Variants in PHLDB1 observed in about 807,000 individuals in gnomAD.
PHLDB1 encodes pleckstrin homology like domain family B member 1.
PHLDB1 carries 65 observed loss-of-function variants against 139.3 expected under a neutral mutation model. The ratio of observed to expected loss-of-function variants is 0.47; its 90% CI spans 0.38 to 0.57. The LOEUF (loss-of-function observed/expected upper bound fraction) is 0.57. Among genes scored for constraint, PHLDB1 ranks in the 20% least tolerant of loss-of-function variants. The pLI, the probability that PHLDB1 is intolerant of heterozygous loss-of-function variation, is 0.00. For missense variants in PHLDB1, 1,624 were observed against 1,839.7 expected (o/e 0.88, Z 2.14); for synonymous variants, 679 against 734.5 (o/e 0.92, Z 1.22).
At chr11:118,615,975 C>A in intron 3 of PHLDB1, 66 bp from the exon 4 acceptor site, 1 of 1,363,670 alleles carries the variant, frequency 7.3e-7, no homozygotes, top group Non-Finnish European at 1.0e-6. Flanking sequence ...CTGTGGCCCT[C>A]CTTGCCCTGT....
At chr11:118,614,891 A>G in intron 3 of PHLDB1, 1 of 535,804 alleles carries the variant, frequency 1.9e-6, no homozygotes, top group Non-Finnish European at 3.4e-6. Context: ...GGGCTTAAAG[A>G]TCAGCTTAGA....
chr11:118,650,131 A>T lies in PHLDB1; in HGVS notation c.3709A>T (p.Thr1237Ser). The T allele has an allele frequency of 6.2e-7, 1 of 1,614,148 alleles. No homozygotes were observed. Among genetic ancestry groups the T allele is most frequent in the Non-Finnish European group, 8.5e-7 (1 of 1,179,998 alleles). Residue 1237 changes from threonine (T) to serine (S), a missense_variant, in exon 19 of 23, where the codon ACA becomes TCA. By Grantham distance (58) the Thr-to-Ser change is moderately conservative. Transcript: ENST00000600882. This position sits in a 1 kb window ranked among gnomAD's most constrained non-coding sequence, Gnocchi z 4.7. ...PIRKEDFDLKTHIESSGHGVD... is the reference protein window; with the variant it reads ...PIRKEDFDLKSHIESSGHGVD... ...CCGGAAGGAGGACTTTGACCTGAAG[A>T]CACATATTGAGTCATCGGGCCATGG...
Position 118,620,871 on chromosome 11 carries a change from G to C in PHLDB1, c.356-4063G>C, listed in dbSNP as rs1184845120. On this transcript the variant is annotated intron_variant, in intron 4 of 22. Coordinates refer to ENST00000600882, the MANE Select transcript of PHLDB1 (RefSeq NM_001144758.3). This position sits in a 1 kb window ranked among gnomAD's most constrained non-coding sequence, Gnocchi z 4.1. ...TGTTACAGTGGCAGCCTGAGGGCCA[G>C]AGCAGGACCCAGTGACCTAGCTGGA... 6.6e-6 allele frequency among the ~76,000 whole-genome samples: 1 copy of C among 152,188 alleles called. No individual in the cohort carries two copies. Among genetic ancestry groups the C allele is most frequent in the Non-Finnish European group, 1.5e-5 (1 of 68,032 alleles).
chr11:118,630,028 G>GTTTTTT, intron 6 of PHLDB1: 3 of 1,197,140 alleles, frequency 2.5e-6, no homozygotes, highest in Admixed American at 2.6e-5. Context: ...CTCTGTTCCG[G>GTTTTTT]TTTTTTTTTT....
chr11:118,652,012 A>G (rs991709967), intron 20 of PHLDB1: 3 of 152,216 alleles, frequency 2.0e-5, no homozygotes, highest in African/African-American at 2.4e-5. Flanking sequence ...GAAGTGACAC[A>G]CATCATTTCT....
Position 118,643,874 on chromosome 11 carries a change from C to T in PHLDB1, c.2952C>T (p.Ser984=), listed in dbSNP as rs1555123861. ...PRTRSGPLPS[S]SGSSSSSSQL... is the part of the protein sequence containing the mutation. ...CCCGCAGCGGCCCCCTCCCCTCCTC[C>T]TCTGGCTCTTCCTCCTCCTCCTCCC... Residue 984 remains serine, a synonymous_variant, in exon 14 of 23, where the codon TCC becomes TCT. Coordinates refer to ENST00000600882, the MANE Select transcript of PHLDB1 (RefSeq NM_001144758.3). 1 of 1,612,838 alleles carries T rather than the reference C, an allele frequency of 6.2e-7. No homozygotes were observed. Among genetic ancestry groups the T allele is most frequent in the Non-Finnish European group, 8.5e-7 (1 of 1,179,410 alleles).
intron 17 of PHLDB1, chr11:118,646,332 A>C (rs534146445): frequency 1.9e-5 from 3 of 153,872 alleles, no homozygotes; most frequent in African/African-American, 7.3e-5. Context: ...TTTGATTACA[A>C]CTTCATAGCT....
chr11:118,655,933 T>A, intron 22 of PHLDB1, 41 bp downstream of exon 22: 1 of 1,461,752 alleles, frequency 6.8e-7, no homozygotes, highest in Non-Finnish European at 9.6e-7. Flanking sequence ...CATTAACACC[T>A]CCTGTACCCC....
At chr11:118,621,789 T>C (rs1942868342) in intron 4 of PHLDB1, among the ~76,000 whole-genome samples, 1 of 152,096 alleles carries the variant, frequency 6.6e-6, no homozygotes, top group African/African-American at 2.4e-5. Flanking sequence ...AGTCCCCTCC[T>C]TAGGACCCAC....
intron 6 of PHLDB1, chr11:118,630,028 G>T (rs994520341): frequency 2.9e-5 from 35 of 1,197,534 alleles, no homozygotes; most frequent in African/African-American, 1.2e-4. Context: ...CTCTGTTCCG[G>T]TTTTTTTTTT....
At chr11:118,636,633 G>A (rs1389915348) in intron 10 of PHLDB1, 2 of 152,190 alleles carry the variant, frequency 1.3e-5, no homozygotes, top group African/African-American at 4.8e-5. Flanking sequence ...AAGGAAACTA[G>A]GAGTAGGAGA....
chr11:118,630,143 C>A, intron 6 of PHLDB1: 2 of 1,030,728 alleles, frequency 1.9e-6, no homozygotes, highest in Non-Finnish European at 2.7e-6. Flanking sequence ...GGGTTCATGG[C>A]CAAACTGTAA....
At position 118,616,170 on chromosome 11, in the gene PHLDB1, T is replaced by C; in HGVS notation, c.314T>C (p.Ile105Thr). 1 of 1,614,098 alleles carries C rather than the reference T, an allele frequency of 6.2e-7. No individual in the cohort carries two copies. Among genetic ancestry groups the C allele is most frequent in the Non-Finnish European group, 8.5e-7 (1 of 1,179,998 alleles). The change falls in exon 4 of 23, where the codon ATT becomes ACT. Residue 105 changes from isoleucine (I) to threonine (T), a missense_variant. Transcript: ENST00000600882. The part of the protein sequence containing the change: ...TLYPCGNACT[I>T]DGLPVRQPTR... The stretch of plus-strand genomic sequence containing the variant: ...TACCCCTGTGGCAATGCCTGCACTA[T>C]TGATGGGCTCCCTGTCCGGCAGCCT...
chr11:118,622,932 G>A (rs550230501), intron 4 of PHLDB1, among the ~76,000 whole-genome samples: 24 of 152,156 alleles, frequency 1.6e-4, no homozygotes, highest in Non-Finnish European at 2.1e-4. Flanking sequence ...TGGCTGCCTG[G>A]GAGGGCCTTT....
chr11:118,641,047 TG>T (rs1412397775), intron 12 of PHLDB1: 14 of 152,784 alleles, frequency 9.2e-5, no homozygotes, highest in African/African-American at 3.4e-4. Flanking sequence ...GCATGGAGTT[TG>T]GGGTGTTGGG....
intron 12 of PHLDB1, chr11:118,641,792 G>A: frequency 7.8e-7 from 1 of 1,286,196 alleles, no homozygotes. Flanking sequence ...AAGGTTGGTG[G>A]TTTGTGAGTT....
rs947671758 is a variant in PHLDB1 at position 118,610,145 on chromosome 11, C to G, written c.-22+2446C>G. Reference sequence around the variant, plus strand: ...CCACCTCTGTGTTCTTCAGTCTCCCCGCATCCTCTGCCCTCGGTCTTCCCC... The same window carrying G: ...CCACCTCTGTGTTCTTCAGTCTCCCGGCATCCTCTGCCCTCGGTCTTCCCC... On this transcript the variant is annotated intron_variant, in intron 1 of 22. Coordinates refer to ENST00000600882, the MANE Select transcript of PHLDB1 (RefSeq NM_001144758.3). This position sits in a 1 kb window ranked among gnomAD's most constrained non-coding sequence, Gnocchi z 8.7. 6.6e-6 allele frequency among the ~76,000 whole-genome samples: 1 copy of G among 152,008 alleles called. No homozygotes were observed. The highest frequency in any genetic ancestry group is 1.5e-5 in the Non-Finnish European group (1 of 67,994).
intron 20 of PHLDB1, chr11:118,654,547 T>TA (rs1948758961): frequency 6.6e-6 from 1 of 152,128 alleles, no homozygotes; most frequent in South Asian, 2.1e-4. Flanking sequence ...TATAAACAAA[T>TA]ACTTTTTCTT....
intron 22 of PHLDB1, among the ~76,000 whole-genome samples, chr11:118,656,103 G>A (rs908176884): frequency 1.3e-5 from 2 of 151,306 alleles, no homozygotes; most frequent in Non-Finnish European, 2.9e-5. Flanking sequence ...CAGACCCCAT[G>A]GGGGTCTGGT....
Sources: allele counts gnomAD v4.1 joint callset (sites outside exome capture counted in the v4.1 genomes callset), GRCh38; gene constraint gnomAD v4.1.1; non-coding constraint Gnocchi (gnomAD v3.1); transcripts MANE v1.5; gene names NCBI Gene and HGNC (gene_info 2026-07-23, HGNC 2026-07-21).